GRID2: variants seen among roughly 807,000 people sequenced by gnomAD.
GRID2 encodes glutamate ionotropic receptor delta type subunit 2.
GRID2 carries 33 observed loss-of-function variants against 114.8 expected under a neutral mutation model. That is an observed-to-expected ratio of 0.29 (90% CI 0.22 to 0.38). The LOEUF is 0.38. Ranked by LOEUF, GRID2 falls within the 10% of genes least tolerant of loss-of-function variation. GRID2 has a pLI of 1.00. For synonymous variants in GRID2, 505 were observed against 449.9 expected (o/e 1.12, Z -1.55); for missense variants, 1,184 against 1,257.7 (o/e 0.94, Z 0.89).
At chr4:92,620,309 A>C (rs1304323553) in intron 2 of GRID2, among the ~76,000 whole-genome samples, 1 of 151,830 alleles carries the variant, frequency 6.6e-6, no homozygotes, top group African/African-American at 2.4e-5. Flanking sequence ...AAGGGTCAAA[A>C]AACTGAAATA....
intron 2 of GRID2, among the ~76,000 whole-genome samples, chr4:92,749,401 G>T (rs1342649499): frequency 7.7e-6 from 1 of 129,356 alleles, no homozygotes; most frequent in Non-Finnish European, 1.6e-5. Flanking sequence ...TGCAACCTCC[G>T]CCTCCCGGGC....
intron 13 of GRID2, among the ~76,000 whole-genome samples, chr4:93,619,436 C>G (rs549405181): frequency 3.0e-4 from 45 of 152,278 alleles, no homozygotes; most frequent in African/African-American, 1.1e-3. Flanking sequence ...AATCATAACT[C>G]TTTGCGCCTG....
At chr4:92,670,043 A>G (rs1255815096) in intron 2 of GRID2, among the ~76,000 whole-genome samples, 1 of 152,044 alleles carries the variant, frequency 6.6e-6, no homozygotes, top group African/African-American at 2.4e-5. Flanking sequence ...AACTTGCAAA[A>G]GTGTTTTCTT....
At chr4:92,892,823 T>C (rs1405604382) in intron 2 of GRID2, among the ~76,000 whole-genome samples, 1 of 152,216 alleles carries the variant, frequency 6.6e-6, no homozygotes, top group African/African-American at 2.4e-5. Context: ...AAACCATAGA[T>C]TATTACAGAT....
chr4:93,316,001 A>G (rs1284554433), intron 8 of GRID2, among the ~76,000 whole-genome samples: 2 of 152,110 alleles, frequency 1.3e-5, no homozygotes, highest in Non-Finnish European at 2.9e-5. Context: ...CTAAGAATGT[A>G]GTTTTTGATG....
intron 8 of GRID2, among the ~76,000 whole-genome samples, chr4:93,345,382 AT>A (rs1276132726): frequency 6.6e-6 from 1 of 151,974 alleles, no homozygotes; most frequent in East Asian, 1.9e-4. Context: ...TTTAATTTGC[AT>A]TCCCTGAATA....
At chr4:93,024,734 G>T (rs754586320) in intron 2 of GRID2, among the ~76,000 whole-genome samples, 1 of 151,706 alleles carries the variant, frequency 6.6e-6, no homozygotes, top group African/African-American at 2.4e-5. Context: ...ATTTTAAAAA[G>T]TACTTAGGTA....
intron 1 of GRID2, among the ~76,000 whole-genome samples, chr4:92,578,729 T>TCA (rs1464617067): frequency 2.0e-5 from 3 of 147,582 alleles, no homozygotes; most frequent in African/African-American, 7.5e-5. Context: ...TCTATCTATC[T>TCA]ATCAATCTAT....
chr4:93,450,060 A>G (rs1030243193), intron 10 of GRID2, among the ~76,000 whole-genome samples: 45 of 151,956 alleles, frequency 3.0e-4, no homozygotes, highest in African/African-American at 1.1e-3. Context: ...AGTATTAAAA[A>G]TCACCTAATA....
intron 2 of GRID2, among the ~76,000 whole-genome samples, chr4:92,841,519 A>G (rs1742894489): frequency 6.6e-6 from 1 of 152,082 alleles, no homozygotes; most frequent in Non-Finnish European, 1.5e-5. Flanking sequence ...TTAGATGATG[A>G]TTAGTTTATA....
At chr4:93,252,822 T>A (rs988926766) in intron 8 of GRID2, among the ~76,000 whole-genome samples, 38 of 152,154 alleles carry the variant, frequency 2.5e-4, no homozygotes, top group African/African-American at 8.4e-4. Context: ...TTATTCTTTT[T>A]GTGGCAATTG....
intron 2 of GRID2, among the ~76,000 whole-genome samples, chr4:92,904,498 A>G (rs577294067): frequency 6.6e-6 from 1 of 152,090 alleles, no homozygotes; most frequent in African/African-American, 2.4e-5. Flanking sequence ...TTGCCACAAA[A>G]GAGTACATAA....
At chr4:92,341,944 C>A (rs1053713912) in intron 1 of GRID2, among the ~76,000 whole-genome samples, 1 of 143,240 alleles carries the variant, frequency 7.0e-6, no homozygotes, top group Non-Finnish European at 1.5e-5. Flanking sequence ...TATGTAGCAA[C>A]TTGAGGATAC....
chr4:92,408,194 A>G (rs1731114906), intron 1 of GRID2, among the ~76,000 whole-genome samples: 3 of 152,210 alleles, frequency 2.0e-5, no homozygotes, highest in African/African-American at 4.8e-5. Flanking sequence ...CATTTATTGA[A>G]TAGGGAATCC....
chr4:92,682,684 A>G (rs1325234747), intron 2 of GRID2, among the ~76,000 whole-genome samples: 4 of 132,560 alleles, frequency 3.0e-5, no homozygotes, highest in Admixed American at 7.2e-5. Flanking sequence ...ATCGCAGGGC[A>G]CACACACACA....
At chr4:93,406,390 G>A (rs1244516911) in intron 9 of GRID2, among the ~76,000 whole-genome samples, 1 of 152,180 alleles carries the variant, frequency 6.6e-6, no homozygotes, top group Non-Finnish European at 1.5e-5. Flanking sequence ...ACGAAGTAGA[G>A]ATCAGAGGGT....
At chr4:93,303,430 C>T (rs1004176152) in intron 8 of GRID2, among the ~76,000 whole-genome samples, 2 of 152,114 alleles carry the variant, frequency 1.3e-5, no homozygotes, top group Non-Finnish European at 2.9e-5. Context: ...GAATTGTTTA[C>T]ATTCTAGAGT....
At chr4:93,592,624 G>A (rs1738509654) in intron 13 of GRID2, among the ~76,000 whole-genome samples, 1 of 152,090 alleles carries the variant, frequency 6.6e-6, no homozygotes. Flanking sequence ...TTGACTTTCT[G>A]TCTCGTTGAT....
intron 10 of GRID2, among the ~76,000 whole-genome samples, chr4:93,450,685 C>T (rs1269341329): frequency 6.6e-6 from 1 of 151,534 alleles, no homozygotes; most frequent in Non-Finnish European, 1.5e-5. Flanking sequence ...TATCTTCTCT[C>T]AAGGAAAATA....
Sources: gnomAD v4.1 joint callset for allele counts (sites outside exome capture counted in the v4.1 genomes callset) on GRCh38, gnomAD v4.1.1 for gene constraint, MANE v1.5 for transcripts, NCBI Gene and HGNC (gene_info 2026-07-23, HGNC 2026-07-21) for gene names.